Variants in GALNT13 observed in about 807,000 individuals in gnomAD.
GALNT13 encodes UDP-GalNAc:polypeptide N-acetylgalactosaminyltransferase 13.
In GALNT13, 28 loss-of-function variants were observed where a neutral mutation model predicts 64.2. The ratio of observed to expected loss-of-function variants is 0.44; its 90% CI spans 0.32 to 0.60. The LOEUF is 0.60. Ranked by LOEUF, GALNT13 falls within the 20% of genes least tolerant of loss-of-function variation. The pLI is 0.05. For missense variants in GALNT13, 577 were observed against 669.8 expected, an observed-to-expected ratio of 0.86 and a Z score of 1.53; for synonymous variants, 214 against 224.6, an observed-to-expected ratio of 0.95 and a Z score of 0.42.
At chr2:153,831,139 T>A in the GALNT13 span, among the ~76,000 whole-genome samples, 1 of 152,202 alleles carries the variant, frequency 6.6e-6, no homozygotes, top group Non-Finnish European at 1.5e-5. Flanking sequence ...TGCATTTTCA[T>A]GTCCTTAATA....
At chr2:154,346,404 C>G (rs573789109) in intron 9 of GALNT13, among the ~76,000 whole-genome samples, 1 of 152,142 alleles carries the variant, frequency 6.6e-6, no homozygotes, top group Admixed American at 6.6e-5. Context: ...CTACCCAAGT[C>G]TCATCTTGAA....
At chr2:153,570,807 T>C in the GALNT13 span, among the ~76,000 whole-genome samples, 1 of 152,078 alleles carries the variant, frequency 6.6e-6, no homozygotes, top group African/African-American at 2.4e-5. Flanking sequence ...TTCTGTTCCA[T>C]TGTTCTATGT....
intron 1 of GALNT13, among the ~76,000 whole-genome samples, chr2:153,890,747 T>C (rs1230004007): frequency 6.6e-6 from 1 of 152,052 alleles, no homozygotes; most frequent in Non-Finnish European, 1.5e-5. Context: ...GTTTGTTTCT[T>C]CTTTCTTCAG....
chr2:153,323,490 T>A, the GALNT13 span, among the ~76,000 whole-genome samples: 3 of 152,184 alleles, frequency 2.0e-5, no homozygotes, highest in Non-Finnish European at 2.9e-5. Context: ...GCTCTTCAGT[T>A]TAATTAGATC....
intron 3 of GALNT13, among the ~76,000 whole-genome samples, chr2:154,134,915 G>A (rs897447249): frequency 6.6e-6 from 1 of 152,302 alleles, no homozygotes; most frequent in African/African-American, 2.4e-5. Flanking sequence ...GAACCCAGGA[G>A]GTGGAGGTTG....
chr2:153,916,081 C>G (rs1291865054), intron 2 of GALNT13, among the ~76,000 whole-genome samples: 1 of 151,702 alleles, frequency 6.6e-6, no homozygotes, highest in Non-Finnish European at 1.5e-5. Context: ...CTTTTCTTTT[C>G]TTTTTCCTTC....
chr2:154,437,515 C>T, intron 11 of GALNT13: 2 of 1,275,678 alleles, frequency 1.6e-6, no homozygotes, highest in Non-Finnish European at 2.0e-6. Context: ...CTGAACAATG[C>T]TTATCGTAGT....
chr2:153,385,559 G>A, the GALNT13 span, among the ~76,000 whole-genome samples: 1 of 151,978 alleles, frequency 6.6e-6, no homozygotes, highest in African/African-American at 2.4e-5. Flanking sequence ...ATAGTGGGGT[G>A]GGGAGGTGGA....
chr2:153,363,620 A>C, the GALNT13 span, among the ~76,000 whole-genome samples: 1 of 152,194 alleles, frequency 6.6e-6, no homozygotes, highest in Admixed American at 6.5e-5. Context: ...TACACAAATA[A>C]ACTAGAAAAT....
At chr2:153,921,823 G>A (rs1250788252) in intron 2 of GALNT13, among the ~76,000 whole-genome samples, 1 of 151,930 alleles carries the variant, frequency 6.6e-6, no homozygotes. Flanking sequence ...ATATCCTGCA[G>A]AGCCAATTAA....
At chr2:154,124,792 T>C (rs2105526679) in intron 3 of GALNT13, among the ~76,000 whole-genome samples, 2 of 152,250 alleles carry the variant, frequency 1.3e-5, no homozygotes, top group South Asian at 4.1e-4. Context: ...AATTCTTCAA[T>C]GAAATGTGAT....
At chr2:153,670,695 A>C in the GALNT13 span, among the ~76,000 whole-genome samples, 1 of 152,188 alleles carries the variant, frequency 6.6e-6, no homozygotes, top group East Asian at 1.9e-4. Flanking sequence ...CTGGATGGAG[A>C]ATGAGTTTGA....
the GALNT13 span, among the ~76,000 whole-genome samples, chr2:153,553,063 C>CA: frequency 6.6e-6 from 1 of 152,082 alleles, no homozygotes; most frequent in African/African-American, 2.4e-5. Flanking sequence ...CATAGAGAAA[C>CA]TATGGTTGAA....
chr2:153,094,566 G>C, the GALNT13 span, among the ~76,000 whole-genome samples: 28 of 148,608 alleles, frequency 1.9e-4, no homozygotes, highest in African/African-American at 5.5e-4. Flanking sequence ...CCAAAAAAGA[G>C]CCCGCATTGC....
At chr2:154,288,566 A>T (rs753754802) in intron 8 of GALNT13, among the ~76,000 whole-genome samples, 1 of 152,282 alleles carries the variant, frequency 6.6e-6, no homozygotes, top group East Asian at 1.9e-4. Context: ...CCTAAATACA[A>T]TGGGGGTACA....
chr2:153,880,257 A>G (rs1188737354), intron 1 of GALNT13, among the ~76,000 whole-genome samples: 2 of 152,096 alleles, frequency 1.3e-5, no homozygotes, highest in Non-Finnish European at 2.9e-5. Context: ...ATTTATAATC[A>G]CTTGTGAAAA....
the GALNT13 span, among the ~76,000 whole-genome samples, chr2:153,411,442 C>T: frequency 1.3e-5 from 2 of 152,154 alleles, no homozygotes; most frequent in African/African-American, 4.8e-5. Flanking sequence ...ATAGAAGAGG[C>T]AACTAATTTC....
the GALNT13 span, among the ~76,000 whole-genome samples, chr2:153,266,131 T>C: frequency 6.6e-6 from 1 of 152,330 alleles, no homozygotes; most frequent in East Asian, 1.9e-4. Context: ...CACTTTATGG[T>C]TGTAGTCCGT....
At chr2:153,082,931 C>T in the GALNT13 span, among the ~76,000 whole-genome samples, 19 of 151,584 alleles carry the variant, frequency 1.3e-4, no homozygotes, top group East Asian at 5.9e-4. Flanking sequence ...CAGGTTCAAG[C>T]GATTCTCCTG....
Sources: allele counts gnomAD v4.1 joint callset (sites outside exome capture counted in the v4.1 genomes callset), GRCh38; gene constraint gnomAD v4.1.1; transcripts MANE v1.5; gene names NCBI Gene and HGNC (gene_info 2026-07-23, HGNC 2026-07-21).